ARB2A: variants seen among roughly 807,000 people sequenced by gnomAD.
ARB2A encodes cotranscriptional regulator ARB2A.
chr5:94,052,115 C>G, the ARB2A span, among the ~76,000 whole-genome samples: 1 of 152,160 alleles, frequency 6.6e-6, no homozygotes, highest in African/African-American at 2.4e-5. Context: ...GCCACCACAC[C>G]TGGCCAGTCT....
the ARB2A span, among the ~76,000 whole-genome samples, chr5:93,846,250 T>A: frequency 6.6e-6 from 1 of 151,856 alleles, no homozygotes; most frequent in Non-Finnish European, 1.5e-5. Context: ...ATGCCTGTAA[T>A]CCCAGCCCTT....
the ARB2A span, among the ~76,000 whole-genome samples, chr5:93,710,236 C>G: frequency 3.9e-5 from 6 of 152,042 alleles, no homozygotes; most frequent in African/African-American, 1.2e-4. Context: ...TTATTTGACC[C>G]CTTTAATAGT....
the ARB2A span, chr5:93,741,684 G>A: frequency 8.3e-7 from 1 of 1,198,558 alleles, no homozygotes; most frequent in Non-Finnish European, 1.1e-6. Context: ...CAAGCCAAGG[G>A]TGCCTGTGCG....
At chr5:93,785,624 A>AT in the ARB2A span, among the ~76,000 whole-genome samples, 1 of 152,216 alleles carries the variant, frequency 6.6e-6, no homozygotes, top group South Asian at 2.1e-4. Flanking sequence ...GCATATGTAC[A>AT]TGCTGTCTCA....
At chr5:93,783,592 G>A in the ARB2A span, among the ~76,000 whole-genome samples, 1 of 152,036 alleles carries the variant, frequency 6.6e-6, no homozygotes, top group Non-Finnish European at 1.5e-5. Context: ...AGGTCAATCA[G>A]CTCATTCATA....
At chr5:93,851,852 A>G in the ARB2A span, among the ~76,000 whole-genome samples, 1 of 152,146 alleles carries the variant, frequency 6.6e-6, no homozygotes, top group Non-Finnish European at 1.5e-5. Flanking sequence ...CCAGTCTATC[A>G]TTGTTGGACA....
chr5:93,758,870 A>G, the ARB2A span, among the ~76,000 whole-genome samples: 1 of 152,154 alleles, frequency 6.6e-6, no homozygotes, highest in Non-Finnish European at 1.5e-5. Flanking sequence ...ACCCAACCCC[A>G]GCAGAAAAAA....
chr5:93,805,800 G>A, the ARB2A span: 1 of 985,098 alleles, frequency 1.0e-6, no homozygotes, highest in Non-Finnish European at 1.2e-6. Context: ...CCTATAAACG[G>A]TTTTCAATGG....
At chr5:93,715,290 AT>A in the ARB2A span, among the ~76,000 whole-genome samples, 2 of 152,170 alleles carry the variant, frequency 1.3e-5, no homozygotes, top group Admixed American at 6.5e-5. Flanking sequence ...CTATAGCTAA[AT>A]TTTTTTAAAG....
At chr5:93,991,204 T>A in the ARB2A span, among the ~76,000 whole-genome samples, 55 of 152,194 alleles carry the variant, frequency 3.6e-4, no homozygotes, top group African/African-American at 1.2e-3. Flanking sequence ...AAAGGCCTCA[T>A]GGAATACTCA....
chr5:94,003,832 G>C, the ARB2A span, among the ~76,000 whole-genome samples: 2 of 152,086 alleles, frequency 1.3e-5, no homozygotes, highest in Non-Finnish European at 2.9e-5. Flanking sequence ...ATTTTTGGTA[G>C]ATATAGATGA....
chr5:93,618,483 G>A, the ARB2A span: 3 of 152,284 alleles, frequency 2.0e-5, no homozygotes, highest in Non-Finnish European at 4.4e-5. Context: ...TGGGGAAGAA[G>A]ATCAGAACAA....
At chr5:94,034,814 A>T in the ARB2A span, among the ~76,000 whole-genome samples, 1 of 152,234 alleles carries the variant, frequency 6.6e-6, no homozygotes, top group Non-Finnish European at 1.5e-5. Context: ...ACCGGGCTGC[A>T]CAGCAGGAGG....
the ARB2A span, among the ~76,000 whole-genome samples, chr5:93,868,040 C>T: frequency 6.6e-6 from 1 of 152,204 alleles, no homozygotes; most frequent in African/African-American, 2.4e-5. Flanking sequence ...AACTGAGATG[C>T]TGGGCATGGT....
the ARB2A span, among the ~76,000 whole-genome samples, chr5:93,717,242 C>T: frequency 1.3e-3 from 193 of 152,234 alleles, 1 homozygote; most frequent in African/African-American, 4.4e-3. Context: ...TCGTCTTTTA[C>T]TGCTGCAGAA....
the ARB2A span, among the ~76,000 whole-genome samples, chr5:94,002,202 C>T: frequency 6.6e-6 from 1 of 151,982 alleles, no homozygotes; most frequent in East Asian, 1.9e-4. Flanking sequence ...ACTAATTTAC[C>T]CTGAGGGTAG....
At chr5:94,084,772 AT>A in the ARB2A span, among the ~76,000 whole-genome samples, 2 of 152,150 alleles carry the variant, frequency 1.3e-5, no homozygotes, top group African/African-American at 2.4e-5. Context: ...GAAAACAGGG[AT>A]TTTTTTAACA....
At chr5:94,005,544 T>C in the ARB2A span, among the ~76,000 whole-genome samples, 1 of 152,202 alleles carries the variant, frequency 6.6e-6, no homozygotes, top group Admixed American at 6.5e-5. Context: ...GCAAAAGCAC[T>C]ACAAGTATTG....
At chr5:93,646,239 C>A in the ARB2A span, among the ~76,000 whole-genome samples, 2 of 151,828 alleles carry the variant, frequency 1.3e-5, no homozygotes, top group Admixed American at 1.3e-4. Context: ...AAATAAGAAT[C>A]TTCATATTTC....
Sources: allele counts gnomAD v4.1 joint callset (sites outside exome capture counted in the v4.1 genomes callset), GRCh38; gene constraint gnomAD v4.1.1; transcripts MANE v1.5; gene names NCBI Gene and HGNC (gene_info 2026-07-23, HGNC 2026-07-21).